Variants in PCDHGB3 observed in about 807,000 individuals in gnomAD.
PCDHGB3 encodes the protein protocadherin gamma-B3.
Under a neutral mutation model 59.2 loss-of-function variants are expected in PCDHGB3, and 40 were observed. That is an observed-to-expected ratio of 0.68 (90% CI 0.52 to 0.88). The LOEUF (loss-of-function observed/expected upper bound fraction) is 0.88, where lower values mean the gene tolerates loss of function less well. PCDHGB3 is among the 40% of genes least tolerant of loss of function. PCDHGB3 has a pLI of 0.00. For synonymous variants in PCDHGB3, 581 were observed against 503.6 expected (o/e 1.15, Z -2.06); for missense variants, 1,309 against 1,187.9 (o/e 1.10, Z -1.50).
chr5:141,467,736 G>A (rs1435480730), intron 1 of PCDHGB3, among the ~76,000 whole-genome samples: 1 of 151,902 alleles, frequency 6.6e-6, no homozygotes, highest in Non-Finnish European at 1.5e-5. Flanking sequence ...ATCCCAGCTC[G>A]CTGCAACCTC....
At chr5:141,470,242 T>C (rs1301513342) in intron 1 of PCDHGB3, among the ~76,000 whole-genome samples, 1 of 152,344 alleles carries the variant, frequency 6.6e-6, no homozygotes, top group South Asian at 2.1e-4. Flanking sequence ...CCCTTGAATG[T>C]CCCACCTGTC....
chr5:141,481,780 C>T (rs781334437), intron 1 of PCDHGB3, among the ~76,000 whole-genome samples: 3 of 152,016 alleles, frequency 2.0e-5, no homozygotes, highest in African/African-American at 7.2e-5. Flanking sequence ...GGTGAAACCC[C>T]GTCTCTACTA....
At chr5:141,478,795 C>T (rs919747545) in intron 1 of PCDHGB3, 7 of 1,468,056 alleles carry the variant, frequency 4.8e-6, no homozygotes, top group Non-Finnish European at 6.3e-6. Flanking sequence ...ACATCCTCAG[C>T]ACTCTTTTGC....
intron 1 of PCDHGB3, chr5:141,413,845 C>G: frequency 6.2e-7 from 1 of 1,613,242 alleles, no homozygotes. Flanking sequence ...CGGGGGTGAC[C>G]CTCTCCGATC....
At chr5:141,381,099 T>C (rs1284355665) in intron 1 of PCDHGB3, among the ~76,000 whole-genome samples, 1 of 152,230 alleles carries the variant, frequency 6.6e-6, no homozygotes, top group East Asian at 1.9e-4. Flanking sequence ...AAACAGAATG[T>C]CCTTCAAAGT....
chr5:141,408,358 G>C, intron 1 of PCDHGB3: 1 of 1,613,952 alleles, frequency 6.2e-7, no homozygotes, highest in South Asian at 1.1e-5. Context: ...ACCTCGCTAA[G>C]GATCTAGGGC....
Position 141,384,796 on chromosome 5 carries a change from C to A in PCDHGB3, c.2415+11987C>A, listed in dbSNP as rs1182973938. 1 of 1,613,330 alleles carries A rather than the reference C, an allele frequency of 6.2e-7. No homozygotes were observed. Among genetic ancestry groups the A allele is most frequent in the African/African-American group, 1.3e-5 (1 of 74,956 alleles). ...CGAGGTGCGCACGGCTCGGGCCCTG[C>A]TGGACAGAGATGCCCTCAAGCAGAG... is the stretch of plus-strand genomic sequence containing the variant. On this transcript the variant is annotated intron_variant, in intron 1 of 3. Coordinates refer to ENST00000576222, the MANE Select transcript of PCDHGB3 (RefSeq NM_018924.5).
intron 1 of PCDHGB3, among the ~76,000 whole-genome samples, chr5:141,424,884 T>C (rs953145254): frequency 2.0e-5 from 3 of 152,186 alleles, no homozygotes; most frequent in Non-Finnish European, 4.4e-5. Flanking sequence ...AGGAGACTTA[T>C]CTAGGGTTTT....
rs776189143 is a variant in PCDHGB3, at chr5:141,422,957, A to G, written c.2415+50148A>G. 11 of 1,614,190 alleles carry G rather than the reference A, an allele frequency of 6.8e-6. 1 individual carries two copies. The South Asian group carries it at 7.7e-5, about 11-fold the overall frequency. Reference sequence around the variant, plus strand: ...CCCACAGACGGCTCCACTGGCGTGGAGCTGGCGCCCCGCTCTGCGGAACCT... The same window carrying G: ...CCCACAGACGGCTCCACTGGCGTGGGGCTGGCGCCCCGCTCTGCGGAACCT... On this transcript the variant is annotated intron_variant, in intron 1 of 3. Coordinates refer to ENST00000576222, the MANE Select transcript of PCDHGB3 (RefSeq NM_018924.5).
chr5:141,494,115 GC>G (rs1445167222), intron 1 of PCDHGB3, among the ~76,000 whole-genome samples: 1 of 152,186 alleles, frequency 6.6e-6, no homozygotes, highest in African/African-American at 2.4e-5. Context: ...AGACAGAGCA[GC>G]CTTGTTCTCT....
intron 1 of PCDHGB3, chr5:141,430,853 C>A: frequency 6.3e-7 from 1 of 1,587,214 alleles, no homozygotes; most frequent in Non-Finnish European, 8.6e-7. Flanking sequence ...CACCCAGATA[C>A]GCTATTCAGT....
chr5:141,411,910 C>T (rs1248743908), intron 1 of PCDHGB3: 2 of 152,164 alleles, frequency 1.3e-5, no homozygotes, highest in East Asian at 1.9e-4. Context: ...TGCCTTTGCA[C>T]TCAGTCTCTG....
intron 1 of PCDHGB3, chr5:141,408,678 A>G (rs758302984): frequency 2.5e-6 from 4 of 1,613,862 alleles, no homozygotes; most frequent in African/African-American, 1.3e-5. Context: ...CCTGCCACGG[A>G]TCCTGATATA....
rs1297899765 is a variant in PCDHGB3, at chr5:141,431,815, C to T, written c.2415+59006C>T. ...CCCCAGAAGTGGTCCTCACCTCTCTCGCCAGCTCGGTTCCCGAAAACTCTC... is the reference window on the plus strand; with the variant it reads ...CCCCAGAAGTGGTCCTCACCTCTCTTGCCAGCTCGGTTCCCGAAAACTCTC... On this transcript the variant is annotated intron_variant, in intron 1 of 3. Transcript: ENST00000576222. The surrounding 1 kb of genome is among the most constrained non-coding windows in gnomAD (Gnocchi z 4.8). 5 of 1,614,124 alleles carry T rather than the reference C, an allele frequency of 3.1e-6. No homozygotes were observed. The Admixed American group carries it at 5.0e-5, about 16-fold the overall frequency.
Position 141,470,128 on chromosome 5 carries a change from CA to C in PCDHGB3, c.2416-24670del, listed in dbSNP as rs200356364. Among the ~76,000 whole-genome samples, 62 of 150,148 alleles carry C rather than the reference CA, an allele frequency of 4.1e-4. 1 individual carries two copies. Among genetic ancestry groups the C allele is most frequent in the Middle Eastern group, 3.4e-3 (1 of 294 alleles). On this transcript the variant is annotated intron_variant, in intron 1 of 3. Coordinates refer to ENST00000576222, the MANE Select transcript of PCDHGB3 (RefSeq NM_018924.5). ...TGAGCAACAGAGCAAGACTTCGTCTCAAAAAAAAAGATCATAGATCATCTTA... is the reference window on the plus strand; with the variant it reads ...TGAGCAACAGAGCAAGACTTCGTCTCAAAAAAAAGATCATAGATCATCTTA...
At chr5:141,423,384 C>G (rs1196881147) in intron 1 of PCDHGB3, 1 of 1,614,054 alleles carries the variant, frequency 6.2e-7, no homozygotes, top group Non-Finnish European at 8.5e-7. Context: ...GGCTGTGGCG[C>G]TGGCATAAGT....
chr5:141,372,928 T>C, intron 1 of PCDHGB3, 119 bp downstream of exon 1: 1 of 925,756 alleles, frequency 1.1e-6, no homozygotes, highest in Non-Finnish European at 1.6e-6. Context: ...GATTTTCTGG[T>C]GTAGAGTAGG....
chr5:141,448,515 T>C (rs1158968509), intron 1 of PCDHGB3, among the ~76,000 whole-genome samples: 1 of 152,212 alleles, frequency 6.6e-6, no homozygotes, highest in Non-Finnish European at 1.5e-5. Flanking sequence ...TTTATAACTT[T>C]ATTAAGCATC....
At chr5:141,403,104 A>T in intron 1 of PCDHGB3, 1 of 1,614,038 alleles carries the variant, frequency 6.2e-7, no homozygotes. Flanking sequence ...ATCTCCAAGG[A>T]CCTGGCTCTG....
Sources: gnomAD v4.1 joint callset for allele counts (sites outside exome capture counted in the v4.1 genomes callset) on GRCh38, gnomAD v4.1.1 for gene constraint, Gnocchi (gnomAD v3.1) non-coding constraint, MANE v1.5 for transcripts, NCBI Gene and HGNC (gene_info 2026-07-23, HGNC 2026-07-21) for gene names.